Variants in IDO2 observed in about 807,000 individuals in gnomAD.
The protein encoded by IDO2 is indoleamine 2,3-dioxygenase-like 1 protein.
A neutral mutation model predicts 45.1 loss-of-function variants in IDO2; 46 were observed. The ratio of observed to expected loss-of-function variants is 1.02; its 90% CI spans 0.80 to 1.30. IDO2 has a LOEUF of 1.30. Among genes scored for constraint, IDO2 ranks in the 50% most tolerant of loss-of-function variants. IDO2 has a pLI of 0.00. For synonymous variants in IDO2, 218 were observed against 184.9 expected, an observed-to-expected ratio of 1.18 and a Z score of -1.45; for missense variants, 544 against 491.8, an observed-to-expected ratio of 1.11 and a Z score of -1.00.
In IDO2 at chr8:40,015,948, T is replaced by A. The variant is rs554790230; in HGVS notation, c.*346T>A. 3.1e-5 allele frequency: 11 copies of A among 355,454 alleles called. No individual in the cohort carries two copies. The South Asian group carries it at 1.7e-3, about 54-fold the overall frequency. 22.0% of individuals were successfully genotyped at this position (355,454 alleles called of 1,614,324 possible). On this transcript the variant is annotated 3_prime_UTR_variant, in exon 11 of 11. Coordinates refer to ENST00000502986, the Ensembl canonical transcript of IDO2. ...TCAGATAAAATTGCCTGGGGATACA[T>A]TACTTGTTGATTTTCTTAAAAAACA...
At chr8:39,952,690 G>T (rs934327693) in intron 2 of IDO2, among the ~76,000 whole-genome samples, 1 of 152,110 alleles carries the variant, frequency 6.6e-6, no homozygotes, top group Non-Finnish European at 1.5e-5. Context: ...GAGAATACGA[G>T]GAAATTAGCT....
chr8:39,967,346 C>T (rs746343613), intron 3 of IDO2, among the ~76,000 whole-genome samples: 20 of 151,848 alleles, frequency 1.3e-4, no homozygotes, highest in Non-Finnish European at 1.2e-4. Flanking sequence ...GGTTGGGGGG[C>T]ACATGTAAAT....
rs1807657440 is a variant in IDO2, at chr8:39,942,433, C to G, written c.-17-6716C>G. Reference sequence around the variant, plus strand: ...TTGAGGCAGGCAGATCACCAGAGGTCAGGAGTTTGAGACCAGCCTGGCCAA... The same window carrying G: ...TTGAGGCAGGCAGATCACCAGAGGTGAGGAGTTTGAGACCAGCCTGGCCAA... On this transcript the variant is annotated intron_variant, in intron 1 of 10. Transcript: ENST00000502986. 3.3e-5 allele frequency among the ~76,000 whole-genome samples: 5 copies of G among 152,130 alleles called. No homozygotes were observed. The South Asian group carries it at 1.0e-3, about 31-fold the overall frequency.
intron 8 of IDO2, among the ~76,000 whole-genome samples, chr8:39,994,629 G>A (rs1326327824): frequency 1.3e-5 from 2 of 151,044 alleles, no homozygotes; most frequent in Non-Finnish European, 3.0e-5. Flanking sequence ...TGCCCCAGTG[G>A]GTCCTTCTGG....
intron 1 of IDO2, among the ~76,000 whole-genome samples, chr8:39,939,124 C>A (rs1052255646): frequency 5.9e-4 from 89 of 151,722 alleles, no homozygotes; most frequent in Middle Eastern, 3.4e-3. Flanking sequence ...TGGTGGCGGG[C>A]GCCTGCTACT....
intron 1 of IDO2, among the ~76,000 whole-genome samples, chr8:39,944,393 G>A (rs1216200830): frequency 1.3e-5 from 2 of 152,036 alleles, no homozygotes; most frequent in South Asian, 2.1e-4. Context: ...TACTAACCCC[G>A]CTTTTAGACT....
At chr8:39,968,760 T>C (rs1318246168) in intron 3 of IDO2, among the ~76,000 whole-genome samples, 2 of 151,698 alleles carry the variant, frequency 1.3e-5, no homozygotes, top group Non-Finnish European at 2.9e-5. Flanking sequence ...ACCTAAAGCA[T>C]GAGGGGCTTA....
At chr8:39,944,369 C>A (rs190787106) in intron 1 of IDO2, among the ~76,000 whole-genome samples, 150 of 152,236 alleles carry the variant, frequency 9.9e-4, no homozygotes, top group African/African-American at 3.0e-3. Flanking sequence ...TTCTGTAATG[C>A]CCAACCTTGT....
At chr8:39,978,992 G>T in intron 3 of IDO2, 75 bp from the exon 4 acceptor site, 1 of 1,456,986 alleles carries the variant, frequency 6.9e-7, no homozygotes, top group South Asian at 1.2e-5. Context: ...TCACATCCCA[G>T]GTCCCCGGCC....
chr8:39,956,259 C>G (rs1178040057), intron 2 of IDO2, among the ~76,000 whole-genome samples: 1 of 151,728 alleles, frequency 6.6e-6, no homozygotes. Flanking sequence ...ACGGGATTTC[C>G]CCATGTTGGC....
intron 5 of IDO2, 182 bp from the exon 6 acceptor site, chr8:39,985,326 G>T (rs1808407699): frequency 1.6e-6 from 1 of 615,114 alleles, no homozygotes; most frequent in Non-Finnish European, 2.9e-6. Flanking sequence ...CCATAGTCCA[G>T]CCACAACTTG....
At chr8:39,972,895 A>C (rs1479279380) in intron 3 of IDO2, among the ~76,000 whole-genome samples, 1 of 152,220 alleles carries the variant, frequency 6.6e-6, no homozygotes, top group Non-Finnish European at 1.5e-5. Context: ...ATTAAGGTAT[A>C]AAGTACTTTA....
intron 2 of IDO2, among the ~76,000 whole-genome samples, chr8:39,958,882 A>T (rs1008298484): frequency 3.3e-5 from 5 of 152,214 alleles, no homozygotes; most frequent in Non-Finnish European, 1.5e-5. Context: ...CAGTTTTACA[A>T]ATCTGTTTTT....
Position 40,013,723 on chromosome 8 carries a change from A to T in IDO2, c.868+10A>T, listed in dbSNP as rs753768961. The T allele has an allele frequency of 9.4e-6, 15 of 1,590,678 alleles. No homozygotes were observed. Among genetic ancestry groups the T allele is most frequent in the Non-Finnish European group, 1.3e-5 (15 of 1,166,436 alleles). On this transcript the variant is annotated intron_variant, in intron 10 of 10. Coordinates refer to ENST00000502986, the Ensembl canonical transcript of IDO2. ...CATAGCAAGGAAAGTGGTAAGTCAG[A>T]CATTTTGTTTTCCCTTGAGAGTAGA...
At chr8:39,935,080 T>C (rs1807525383) in exon 1 of IDO2, 1 of 915,408 alleles carries the variant, frequency 1.1e-6, no homozygotes, top group Admixed American at 1.7e-5. Context: ...AAGGATTGGA[T>C]TAGATTTGAC....
chr8:39,995,245 C>CCTTCTA lies in IDO2; in HGVS notation c.667+5412_667+5413insACTTCT. ...TCCTTCTCCTTCTCCTTCTCCTTCTCCTTCTCCTTCTTCTTCTTCCTCTTC... is the reference window on the plus strand; with the variant it reads ...TCCTTCTCCTTCTCCTTCTCCTTCTCCTTCTACTTCTCCTTCTTCTTCTTCCTCTTC... On this transcript the variant is annotated intron_variant, in intron 8 of 10. Transcript: ENST00000502986. 2.9e-5 allele frequency: 2 copies of CCTTCTA among 68,750 alleles called. 1 individual carries two copies. Among genetic ancestry groups the CCTTCTA allele is most frequent in the Non-Finnish European group, 6.4e-5 (2 of 31,054 alleles). The allele number at this position is 68,750 out of a possible 1,614,324, so 4.3% of individuals were successfully genotyped here.
At chr8:40,001,590 GT>G (rs1173034756) in intron 8 of IDO2, among the ~76,000 whole-genome samples, 5 of 150,910 alleles carry the variant, frequency 3.3e-5, no homozygotes, top group Admixed American at 6.6e-5. Flanking sequence ...TATCTTACTT[GT>G]TTTTTTTAAT....
chr8:39,962,933 G>T (rs533651354), intron 2 of IDO2, among the ~76,000 whole-genome samples: 148 of 152,316 alleles, frequency 9.7e-4, no homozygotes, highest in African/African-American at 3.4e-3. Context: ...AGAATCAATC[G>T]GGAAAGGGTG....
intron 8 of IDO2, among the ~76,000 whole-genome samples, chr8:39,990,873 A>G (rs962428923): frequency 6.6e-6 from 1 of 152,152 alleles, no homozygotes; most frequent in Non-Finnish European, 1.5e-5. Flanking sequence ...TCAGTTTCCA[A>G]CATCTGGGAG....
Sources: allele counts gnomAD v4.1 joint callset (sites outside exome capture counted in the v4.1 genomes callset), GRCh38; gene constraint gnomAD v4.1.1; transcripts MANE v1.5; gene names NCBI Gene and HGNC (gene_info 2026-07-23, HGNC 2026-07-21).